Variants in TMEM50B observed in about 807,000 individuals in gnomAD.
TMEM50B encodes the protein transmembrane protein 50B.
In TMEM50B, 14 loss-of-function variants were observed where a neutral mutation model predicts 23.4. The observed-to-expected ratio is 0.60, with a 90% CI of 0.39 to 0.93. The LOEUF (loss-of-function observed/expected upper bound fraction) is 0.93, where lower values mean the gene tolerates loss of function less well. Among genes scored for constraint, TMEM50B ranks in the 40% least tolerant of loss-of-function variants. The pLI is 0.00. For missense variants in TMEM50B, 159 were observed against 193.0 expected (o/e 0.82, Z 1.04); for synonymous variants, 64 against 62.3 (o/e 1.03, Z -0.13).
In TMEM50B at chr21:33,450,209, T is replaced by C. The variant is rs1488455470; in HGVS notation, c.*609A>G. 1.3e-5 allele frequency: 2 copies of C among 152,022 alleles called. No homozygotes were observed. The highest frequency in any genetic ancestry group is 2.9e-5 in the Non-Finnish European group (2 of 68,016). The allele number at this position is 152,022 out of a possible 1,614,324, so 9.4% of individuals were successfully genotyped here. A position where few individuals can be genotyped will look rare whatever the true frequency, so the allele number is the denominator to read the frequency against. ...ATCAGATACTGAGAGTGGTCCTTCT[T>C]TTTTTTGAGAGGGAGTTTCACTTTC... On this transcript the variant is annotated 3_prime_UTR_variant, in exon 7 of 7. Coordinates refer to ENST00000542230, the MANE Select transcript of TMEM50B (RefSeq NM_006134.7).
chr21:33,470,349 C>T (rs201204857), intron 1 of TMEM50B, among the ~76,000 whole-genome samples: 7 of 139,456 alleles, frequency 5.0e-5, no homozygotes, highest in Non-Finnish European at 1.1e-4. Context: ...CGCTTGAACC[C>T]GGGAGGCGAA....
At chr21:33,469,187 C>T (rs1350654329) in intron 1 of TMEM50B, among the ~76,000 whole-genome samples, 3 of 152,116 alleles carry the variant, frequency 2.0e-5, no homozygotes, top group Non-Finnish European at 4.4e-5. Context: ...AGGTGGTTCA[C>T]GCCTGTAATT....
intron 3 of TMEM50B, among the ~76,000 whole-genome samples, chr21:33,466,069 G>A (rs979046292): frequency 1.3e-5 from 2 of 152,062 alleles, no homozygotes; most frequent in Admixed American, 1.3e-4. Flanking sequence ...AGACCAGCCT[G>A]GCAAACATGG....
intron 2 of TMEM50B, among the ~76,000 whole-genome samples, chr21:33,468,247 T>TA (rs5843608): frequency 0.42 from 62,998 of 151,618 alleles, 15,103 homozygotes; most frequent in Non-Finnish European, 0.55. Context: ...CAATTAAAGT[T>TA]AAAAAATGAT....
At chr21:33,449,021 T>C (rs1455827725), downstream of TMEM50B, 1 of 152,228 alleles carries the variant, frequency 6.6e-6, no homozygotes, top group Non-Finnish European at 1.5e-5. Context: ...TTTACAAGTC[T>C]ATTTCTTCTT....
intron 1 of TMEM50B, among the ~76,000 whole-genome samples, chr21:33,475,411 G>T (rs1054823643): frequency 6.6e-6 from 1 of 151,930 alleles, no homozygotes; most frequent in African/African-American, 2.4e-5. Context: ...GCAGTGGCAC[G>T]ATCTTGGCTC....
downstream of TMEM50B, among the ~76,000 whole-genome samples, chr21:33,447,685 C>T (rs1007295661): frequency 1.0e-4 from 9 of 86,338 alleles, no homozygotes; most frequent in African/African-American, 4.2e-4. Flanking sequence ...TAGAAATACA[C>T]ACACACACAC....
chr21:33,455,854 T>A (rs138067714), intron 5 of TMEM50B, 70 bp from the exon 6 acceptor site: 42 of 1,032,180 alleles, frequency 4.1e-5, no homozygotes, highest in Non-Finnish European at 5.2e-5. Context: ...ATCAGTGCCA[T>A]TCATAATGAT....
chr21:33,455,331 T>C (rs1361169226), intron 6 of TMEM50B, among the ~76,000 whole-genome samples: 1 of 152,084 alleles, frequency 6.6e-6, no homozygotes, highest in African/African-American at 2.4e-5. Context: ...GCTGGCACTG[T>C]ACACCACCAC....
chr21:33,460,571 T>C, intron 4 of TMEM50B, 66 bp from the exon 5 acceptor site: 2 of 881,874 alleles, frequency 2.3e-6, no homozygotes, highest in Non-Finnish European at 3.6e-6. Flanking sequence ...TAGGAATACA[T>C]AATACTAGGA....
At position 33,432,753 on chromosome 21, in the gene TMEM50B, G is replaced by A; in HGVS notation, c.*2170C>T. The A allele has an allele frequency of 6.2e-7, 1 of 1,614,098 alleles. No individual in the cohort carries two copies. Among genetic ancestry groups the A allele is most frequent in the Non-Finnish European group, 8.5e-7 (1 of 1,180,016 alleles). Reference sequence around the variant, plus strand: ...CAGCAAGTCATCCTGATCTCCGTGGGAACATTTTCGTTGCTGTCGGTGCTG... The same window carrying A: ...CAGCAAGTCATCCTGATCTCCGTGGAAACATTTTCGTTGCTGTCGGTGCTG... On this transcript the variant is annotated 3_prime_UTR_variant and NMD_transcript_variant, in exon 9 of 9. Coordinates refer to the TMEM50B transcript ENST00000420455.
Position 33,435,351 on chromosome 21 carries a change from A to G in TMEM50B, c.*2121-2549T>C, listed in dbSNP as rs972959644. On this transcript the variant is annotated intron_variant and NMD_transcript_variant, in intron 8 of 8. Coordinates refer to the TMEM50B transcript ENST00000420455. ...CCATCACAGCTGAACAAGAGCCCCC[A>G]GTCCCTCCTTCACTGAAAGGTTACA... is the stretch of plus-strand genomic sequence containing the variant. 2.0e-5 allele frequency among the ~76,000 whole-genome samples: 3 copies of G among 151,804 alleles called. No individual in the cohort carries two copies. In the East Asian group the frequency reaches 5.8e-4, roughly 29 times the overall value.
At chr21:33,448,529 G>A (rs1398751605), downstream of TMEM50B, among the ~76,000 whole-genome samples, 1 of 151,690 alleles carries the variant, frequency 6.6e-6, no homozygotes, top group Admixed American at 6.6e-5. Flanking sequence ...TGCCCAGACT[G>A]GAGTGCAGTG....
chr21:33,477,207 A>C (rs2123467086), intron 1 of TMEM50B, among the ~76,000 whole-genome samples: 1 of 152,046 alleles, frequency 6.6e-6, no homozygotes, highest in South Asian at 2.1e-4. Context: ...AGGTGGGAGG[A>C]TCGTTTGAGC....
At chr21:33,465,204 A>C in intron 4 of TMEM50B, 138 bp downstream of exon 4, 1 of 581,610 alleles carries the variant, frequency 1.7e-6, no homozygotes, top group Non-Finnish European at 3.0e-6. Context: ...AATAACACTA[A>C]AACTTTGTTT....
chr21:33,449,453 C>G lies in TMEM50B; in HGVS notation c.*1365G>C, dbSNP rs572072397. The G allele has an allele frequency of 6.5e-6, 1 of 152,672 alleles. No homozygotes were observed. The highest frequency in any genetic ancestry group is 2.1e-4 in the South Asian group (1 of 4,828). The allele number at this position is 152,672 out of a possible 1,614,324, so 9.5% of individuals were successfully genotyped here. A position where few individuals can be genotyped will look rare whatever the true frequency, so the allele number is the denominator to read the frequency against. On this transcript the variant is annotated 3_prime_UTR_variant, in exon 7 of 7. Transcript: ENST00000542230. The stretch of plus-strand genomic sequence containing the variant: ...ACAACACCCCTCTGGAGAAAAAGTG[C>G]AACACAAAATCTGTGTAACAAAGGA...
At chr21:33,441,059 GTC>G (rs771916557) in intron 7 of TMEM50B, among the ~76,000 whole-genome samples, 1 of 151,606 alleles carries the variant, frequency 6.6e-6, no homozygotes, top group Non-Finnish European at 1.5e-5. Flanking sequence ...GTGACACCCT[GTC>G]TCTACTAAAA....
At chr21:33,451,857 C>T (rs2084124065) in intron 6 of TMEM50B, among the ~76,000 whole-genome samples, 1 of 152,044 alleles carries the variant, frequency 6.6e-6, no homozygotes, top group Admixed American at 6.6e-5. Flanking sequence ...CTTTAAGAGA[C>T]TTCAAAAGGT....
At chr21:33,467,824 G>A (rs2084277938) in intron 2 of TMEM50B, among the ~76,000 whole-genome samples, 1 of 152,064 alleles carries the variant, frequency 6.6e-6, no homozygotes, top group South Asian at 2.1e-4. Context: ...TGGACTTTAG[G>A]TGTAGAACTG....
Sources: allele counts gnomAD v4.1 joint callset (sites outside exome capture counted in the v4.1 genomes callset), GRCh38; gene constraint gnomAD v4.1.1; transcripts MANE v1.5; gene names NCBI Gene and HGNC (gene_info 2026-07-23, HGNC 2026-07-21).